Variants in TENM3 observed in about 807,000 individuals in gnomAD.
The protein encoded by TENM3 is teneurin transmembrane protein 3, also known as teneurin-3.
Under a neutral mutation model 255.1 loss-of-function variants are expected in TENM3, and 63 were observed. The ratio of observed to expected loss-of-function variants is 0.25; its 90% CI spans 0.20 to 0.30. The LOEUF (loss-of-function observed/expected upper bound fraction) is 0.30. Among genes scored for constraint, TENM3 ranks in the 10% least tolerant of loss-of-function variants. The pLI is 1.00. For missense variants in TENM3, 2,929 were observed against 3,461.1 expected (o/e 0.85, Z 3.86); for synonymous variants, 1,306 against 1,322.3 (o/e 0.99, Z 0.27).
chr4:182,382,389 C>T (rs1178440029), intron 3 of TENM3, among the ~76,000 whole-genome samples: 1 of 151,390 alleles, frequency 6.6e-6, no homozygotes, highest in Admixed American at 6.6e-5. Flanking sequence ...TCAAGTTATA[C>T]CCAGGCATTT....
At chr4:182,707,391 G>A (rs185019455) in intron 12 of TENM3, among the ~76,000 whole-genome samples, 1 of 152,164 alleles carries the variant, frequency 6.6e-6, no homozygotes, top group Admixed American at 6.5e-5. Context: ...TATGAGTGAG[G>A]CCCATCCTCA....
the TENM3 span, among the ~76,000 whole-genome samples, chr4:181,930,265 A>T: frequency 1.6e-4 from 24 of 152,144 alleles, no homozygotes; most frequent in Non-Finnish European, 3.4e-4. Flanking sequence ...TAGATAGACC[A>T]CTAGCCAGAC....
intron 3 of TENM3, among the ~76,000 whole-genome samples, chr4:182,489,280 G>A (rs1735049862): frequency 6.6e-6 from 1 of 152,094 alleles, no homozygotes; most frequent in African/African-American, 2.4e-5. Context: ...CAAAATAATT[G>A]AATTTCTTCT....
the TENM3 span, among the ~76,000 whole-genome samples, chr4:181,796,499 T>C: frequency 8.5e-5 from 13 of 152,056 alleles, no homozygotes; most frequent in African/African-American, 3.1e-4. Context: ...GAGAGTGGCC[T>C]GAAGATCTTC....
the TENM3 span, among the ~76,000 whole-genome samples, chr4:181,545,905 A>G: frequency 6.6e-6 from 1 of 152,302 alleles, no homozygotes; most frequent in African/African-American, 2.4e-5. Context: ...TTCTTTTTGC[A>G]TAAAGAAGAT....
the TENM3 span, among the ~76,000 whole-genome samples, chr4:181,991,661 G>T: frequency 6.6e-6 from 1 of 152,178 alleles, no homozygotes; most frequent in African/African-American, 2.4e-5. Context: ...GGCACTAATT[G>T]GTTGACATTC....
chr4:181,497,790 T>C, the TENM3 span, among the ~76,000 whole-genome samples: 1 of 152,202 alleles, frequency 6.6e-6, no homozygotes. Flanking sequence ...TTGCTTTCTA[T>C]TAATTACAGT....
the TENM3 span, among the ~76,000 whole-genome samples, chr4:181,874,824 G>T: frequency 2.0e-5 from 3 of 152,164 alleles, no homozygotes; most frequent in Admixed American, 6.5e-5. Context: ...TTTCTACTTG[G>T]GCTCTGCTTC....
chr4:182,098,955 C>CTTTTTTTTTTT, the TENM3 span, among the ~76,000 whole-genome samples: 4 of 133,830 alleles, frequency 3.0e-5, no homozygotes, highest in African/African-American at 5.7e-5. Context: ...GTGCACAACT[C>CTTTTTTTTTTT]TTTTTTTCTT....
At chr4:181,879,092 T>C in the TENM3 span, among the ~76,000 whole-genome samples, 5 of 152,182 alleles carry the variant, frequency 3.3e-5, no homozygotes, top group Non-Finnish European at 7.3e-5. Context: ...GTTATCCCAG[T>C]AAATATCTCT....
the TENM3 span, among the ~76,000 whole-genome samples, chr4:181,653,394 TTTTGTTTG>T: frequency 1.8e-4 from 28 of 151,438 alleles, 1 homozygote; most frequent in South Asian, 1.3e-3. Flanking sequence ...CATTGTTTTG[TTTTGTTTG>T]TTTGTTTGTT....
the TENM3 span, among the ~76,000 whole-genome samples, chr4:181,743,009 T>G: frequency 6.6e-6 from 1 of 151,930 alleles, no homozygotes; most frequent in African/African-American, 2.4e-5. Flanking sequence ...CATGAACTCA[T>G]CATTTTTTAT....
intron 3 of TENM3, among the ~76,000 whole-genome samples, chr4:182,515,872 T>G (rs1052585520): frequency 6.6e-6 from 1 of 152,196 alleles, no homozygotes; most frequent in African/African-American, 2.4e-5. Flanking sequence ...CTTTTCACAT[T>G]TTACATTAGA....
the TENM3 span, among the ~76,000 whole-genome samples, chr4:181,952,374 A>C: frequency 6.6e-6 from 1 of 152,362 alleles, no homozygotes; most frequent in East Asian, 1.9e-4. Context: ...GTGAATAAAT[A>C]GACTGAGGAA....
chr4:181,616,617 C>A, the TENM3 span, among the ~76,000 whole-genome samples: 1 of 151,794 alleles, frequency 6.6e-6, no homozygotes, highest in Admixed American at 6.6e-5. Flanking sequence ...TACAATAGGC[C>A]GTCTGCAAGC....
the TENM3 span, among the ~76,000 whole-genome samples, chr4:181,981,665 T>G: frequency 6.6e-6 from 1 of 152,104 alleles, no homozygotes; most frequent in Non-Finnish European, 1.5e-5. Flanking sequence ...TGGGGAAAAC[T>G]GATAAGCAAA....
the TENM3 span, among the ~76,000 whole-genome samples, chr4:181,964,210 AC>A: frequency 6.6e-6 from 1 of 151,980 alleles, no homozygotes. Context: ...TTAGGTGGTG[AC>A]CACAGAGGCA....
intron 12 of TENM3, among the ~76,000 whole-genome samples, chr4:182,689,535 C>T (rs1038370985): frequency 6.6e-6 from 1 of 152,118 alleles, no homozygotes; most frequent in African/African-American, 2.4e-5. Context: ...GAACTCAGGA[C>T]CCAGAGGTAG....
At chr4:182,041,118 C>T in the TENM3 span, among the ~76,000 whole-genome samples, 2 of 152,052 alleles carry the variant, frequency 1.3e-5, no homozygotes, top group African/African-American at 4.8e-5. Context: ...AGGAGCACAG[C>T]GTAACCTAAG....
Sources: gnomAD v4.1 joint callset for allele counts (sites outside exome capture counted in the v4.1 genomes callset) on GRCh38, gnomAD v4.1.1 for gene constraint, MANE v1.5 for transcripts, NCBI Gene and HGNC (gene_info 2026-07-23, HGNC 2026-07-21) for gene names.